Variants in ITSN1 observed in about 807,000 individuals in gnomAD.
The protein encoded by ITSN1 is intersectin 1, also known as intersectin-1.
In ITSN1, 58 loss-of-function variants were observed where a neutral mutation model predicts 239.8. The observed-to-expected ratio is 0.24, with a 90% CI of 0.20 to 0.30. The LOEUF (loss-of-function observed/expected upper bound fraction) is 0.30, where lower values mean the gene tolerates loss of function less well. Ranked by LOEUF, ITSN1 falls within the 10% of genes least tolerant of loss-of-function variation. ITSN1 has a pLI of 1.00. For missense variants in ITSN1, 1,558 were observed against 2,103.3 expected (o/e 0.74, Z 5.07); for synonymous variants, 780 against 770.8 (o/e 1.01, Z -0.20).
intron 5 of ITSN1, among the ~76,000 whole-genome samples, chr21:33,745,491 A>G (rs2067126453): frequency 6.6e-6 from 1 of 152,234 alleles, no homozygotes; most frequent in Admixed American, 6.5e-5. Context: ...CCAAAGGTAT[A>G]TAACATCTGA....
chr21:33,781,850 A>T, intron 15 of ITSN1, 144 bp from the exon 16 acceptor site: 2 of 776,162 alleles, frequency 2.6e-6, no homozygotes, highest in Non-Finnish European at 4.0e-6. Context: ...AAGTGCTGGG[A>T]TTACAGGTGT....
chr21:33,782,263 T>G (rs1362620606), intron 16 of ITSN1, 130 bp downstream of exon 16: 5 of 892,098 alleles, frequency 5.6e-6, no homozygotes, highest in South Asian at 3.0e-5. Context: ...AAATTGCACT[T>G]TTCTCCTTGA....
At chr21:33,879,722 C>T (rs1984583792) in intron 34 of ITSN1, among the ~76,000 whole-genome samples, 1 of 152,200 alleles carries the variant, frequency 6.6e-6, no homozygotes, top group South Asian at 2.1e-4. Flanking sequence ...CTCTCTTACC[C>T]AAGCTGGAGT....
chr21:33,814,042 T>G lies in ITSN1; in HGVS notation c.2697T>G (p.Thr899=), dbSNP rs1427628355. The change falls in exon 22 of 40, where the codon ACT becomes ACG. Residue 899 remains threonine (T), a synonymous_variant. Transcript: ENST00000381318. ...CCGCCTTTACTCCAGCCACGGCCAC[T>G]GGCTCCTCCCCGTCTCCTGTGCTAG... is the stretch of plus-strand genomic sequence containing the variant. ...QRSAFTPATA[T]GSSPSPVLGQ... 2 of 1,614,050 alleles carry G rather than the reference T, an allele frequency of 1.2e-6. No individual in the cohort carries two copies. The highest frequency in any genetic ancestry group is 1.7e-6 in the Non-Finnish European group (2 of 1,180,032).
At chr21:33,655,952 A>G (rs1045369492) in intron 1 of ITSN1, among the ~76,000 whole-genome samples, 1 of 152,110 alleles carries the variant, frequency 6.6e-6, no homozygotes, top group African/African-American at 2.4e-5. Context: ...GGGAGAGAAA[A>G]AAGAGGATTG....
intron 4 of ITSN1, among the ~76,000 whole-genome samples, chr21:33,733,780 A>G (rs2066332160): frequency 6.6e-6 from 1 of 152,212 alleles, no homozygotes; most frequent in Non-Finnish European, 1.5e-5. Context: ...GCCCATGACT[A>G]CAGGAGAATG....
At chr21:33,645,731 G>A (rs1272805631) in intron 1 of ITSN1, among the ~76,000 whole-genome samples, 1 of 152,208 alleles carries the variant, frequency 6.6e-6, no homozygotes, top group Non-Finnish European at 1.5e-5. Context: ...ACAGCTAGAG[G>A]TGGGGCCCTG....
chr21:33,759,776 A>T (rs1321617741), intron 8 of ITSN1, among the ~76,000 whole-genome samples: 1 of 152,212 alleles, frequency 6.6e-6, no homozygotes, highest in African/African-American at 2.4e-5. Flanking sequence ...TAGTAGCCCT[A>T]ATTGAAGACT....
At chr21:33,886,767 T>C (rs1985867815) in intron 39 of ITSN1, among the ~76,000 whole-genome samples, 1 of 152,214 alleles carries the variant, frequency 6.6e-6, no homozygotes, top group Admixed American at 6.5e-5. Flanking sequence ...AGCATAGTTC[T>C]TCAGTCCTTG....
rs1157880346 is a variant in ITSN1, at chr21:33,757,703, C to G, written c.724+2306C>G. Among the ~76,000 whole-genome samples the G allele has an allele frequency of 3.9e-5, 6 of 151,994 alleles. 1 individual carries two copies. In the South Asian group the frequency reaches 8.3e-4, roughly 21 times the overall value. On this transcript the variant is annotated intron_variant, in intron 8 of 39. Coordinates refer to ENST00000381318, the MANE Select transcript of ITSN1 (RefSeq NM_003024.3). Reference sequence around the variant, plus strand: ...AAATAATTTTATGAAGTCAGAATCCCCAAAGCAGTTCACTCAGCTGCAGGA... The same window carrying G: ...AAATAATTTTATGAAGTCAGAATCCGCAAAGCAGTTCACTCAGCTGCAGGA...
chr21:33,702,984 G>GA, intron 1 of ITSN1, among the ~76,000 whole-genome samples: 1 of 151,992 alleles, frequency 6.6e-6, no homozygotes, highest in East Asian at 1.9e-4. Flanking sequence ...GGCTGAGATG[G>GA]AAAAATCGCT....
intron 1 of ITSN1, among the ~76,000 whole-genome samples, chr21:33,706,456 T>A (rs2092250901): frequency 6.6e-6 from 1 of 151,542 alleles, no homozygotes; most frequent in South Asian, 2.1e-4. Flanking sequence ...GATCTTAGAA[T>A]TTTAATAAAA....
At chr21:33,763,689 A>T (rs181255557) in intron 9 of ITSN1, among the ~76,000 whole-genome samples, 1 of 151,914 alleles carries the variant, frequency 6.6e-6, no homozygotes, top group Non-Finnish European at 1.5e-5. Flanking sequence ...TACTCTCCTC[A>T]AAAGGCACAT....
intron 14 of ITSN1, among the ~76,000 whole-genome samples, chr21:33,780,936 G>A (rs1055760539): frequency 6.6e-6 from 1 of 152,190 alleles, no homozygotes; most frequent in Non-Finnish European, 1.5e-5. Flanking sequence ...TCCATCCAGT[G>A]TGGTGGAAAA....
At chr21:33,680,314 T>A (rs1335261306) in intron 1 of ITSN1, among the ~76,000 whole-genome samples, 1 of 151,422 alleles carries the variant, frequency 6.6e-6, no homozygotes, top group Non-Finnish European at 1.5e-5. Flanking sequence ...CCGTATTTTC[T>A]TTTTCTTTCT....
At chr21:33,867,801 G>A (rs912887622) in intron 33 of ITSN1, among the ~76,000 whole-genome samples, 1 of 152,218 alleles carries the variant, frequency 6.6e-6, no homozygotes, top group African/African-American at 2.4e-5. Flanking sequence ...TGTGTTCGGA[G>A]TTTCTTCCTT....
chr21:33,645,567 T>C (rs2087862809), intron 1 of ITSN1, among the ~76,000 whole-genome samples: 1 of 152,162 alleles, frequency 6.6e-6, no homozygotes, highest in African/African-American at 2.4e-5. Flanking sequence ...TCTGGTTCGC[T>C]TGAGCCCAGG....
chr21:33,795,566 C>T (rs887907294), intron 17 of ITSN1, among the ~76,000 whole-genome samples: 1 of 152,100 alleles, frequency 6.6e-6, no homozygotes, highest in African/African-American at 2.4e-5. Context: ...TATATAGAGT[C>T]TTCTGTTTGT....
intron 10 of ITSN1, among the ~76,000 whole-genome samples, chr21:33,766,905 C>T (rs778507154): frequency 1.6e-4 from 24 of 152,202 alleles, no homozygotes; most frequent in Non-Finnish European, 2.5e-4. Flanking sequence ...CGGTGGCTCA[C>T]GCCTGTAATC....
Sources: allele counts gnomAD v4.1 joint callset (sites outside exome capture counted in the v4.1 genomes callset), GRCh38; gene constraint gnomAD v4.1.1; transcripts MANE v1.5; gene names NCBI Gene and HGNC (gene_info 2026-07-23, HGNC 2026-07-21).